THSD7B: variants seen among roughly 807,000 people sequenced by gnomAD.
THSD7B encodes thrombospondin type-1 domain-containing protein 7B.
THSD7B carries 138 observed loss-of-function variants against 213.6 expected under a neutral mutation model. That is an observed-to-expected ratio of 0.65 (90% CI 0.56 to 0.74). The LOEUF is 0.74. Among genes scored for constraint, THSD7B ranks in the 30% least tolerant of loss-of-function variants. The pLI is 0.00. For missense variants in THSD7B, 1,931 were observed against 1,991.5 expected (o/e 0.97, Z 0.58); for synonymous variants, 742 against 687.0 (o/e 1.08, Z -1.25).
intron 7 of THSD7B, among the ~76,000 whole-genome samples, chr2:137,213,274 C>G (rs1264551599): frequency 6.7e-6 from 1 of 150,274 alleles, no homozygotes. Flanking sequence ...TATATATCTG[C>G]TGTTATGTAT....
In THSD7B at chr2:137,626,475, AAAAAAG is replaced by A. The variant is rs1390246829; in HGVS notation, c.3799+5766_3799+5771del. On this transcript the variant is annotated intron_variant, in intron 20 of 27. Coordinates refer to ENST00000409968, the MANE Select transcript of THSD7B (RefSeq NM_001316349.2). ...CGAGACTCTGTCTCAAAAAAAAAAA[AAAAAAG>A]AAAAAGAAAAAGAAAATGCCTTCAG... Among the ~76,000 whole-genome samples the A allele has an allele frequency of 2.8e-3, 412 of 147,700 alleles. 5 individuals carry two copies. The highest frequency in any genetic ancestry group is 3.5e-3 in the Middle Eastern group (1 of 282).
intron 15 of THSD7B, among the ~76,000 whole-genome samples, chr2:137,523,673 G>A (rs1349718916): frequency 6.6e-6 from 1 of 152,060 alleles, no homozygotes; most frequent in Non-Finnish European, 1.5e-5. Flanking sequence ...ATTCAGTCAG[G>A]TATGTGCCCA....
chr2:137,072,714 C>T (rs1408434954), intron 3 of THSD7B, among the ~76,000 whole-genome samples: 1 of 152,106 alleles, frequency 6.6e-6, no homozygotes, highest in African/African-American at 2.4e-5. Flanking sequence ...AGTTTTTGCC[C>T]ATTCAGTATG....
At chr2:137,287,460 A>G (rs768571245) in intron 12 of THSD7B, among the ~76,000 whole-genome samples, 32 of 151,886 alleles carry the variant, frequency 2.1e-4, no homozygotes, top group Non-Finnish European at 4.3e-4. Flanking sequence ...GGTATTTTTC[A>G]TTTTCTTTGC....
intron 15 of THSD7B, among the ~76,000 whole-genome samples, chr2:137,464,933 G>A (rs962727885): frequency 1.3e-5 from 2 of 151,910 alleles, no homozygotes; most frequent in Admixed American, 6.6e-5. Flanking sequence ...ATCTCTCTCT[G>A]CAATCTTATG....
At chr2:137,114,277 G>T (rs191562671) in intron 4 of THSD7B, among the ~76,000 whole-genome samples, 2 of 152,124 alleles carry the variant, frequency 1.3e-5, no homozygotes, top group Admixed American at 6.5e-5. Flanking sequence ...TACGAATGCC[G>T]CAAGGTTATA....
At chr2:136,932,934 A>G (rs549550911) in intron 2 of THSD7B, among the ~76,000 whole-genome samples, 30 of 152,250 alleles carry the variant, frequency 2.0e-4, no homozygotes, top group African/African-American at 7.0e-4. Context: ...AAAGCTTGGA[A>G]GGCACCAGAG....
At chr2:137,496,246 A>T (rs550849687) in intron 15 of THSD7B, among the ~76,000 whole-genome samples, 91 of 152,288 alleles carry the variant, frequency 6.0e-4, no homozygotes, top group Non-Finnish European at 1.2e-3. Context: ...TCCAGGTCCA[A>T]TGCTCTTAGC....
intron 2 of THSD7B, among the ~76,000 whole-genome samples, chr2:136,947,735 A>T (rs16855726): frequency 0.01 from 1,579 of 152,328 alleles, 21 homozygotes; most frequent in African/African-American, 0.036. Flanking sequence ...TATCAGATTA[A>T]TTCCTTTAGA....
chr2:136,795,764 A>G (rs920647823), intron 1 of THSD7B, among the ~76,000 whole-genome samples: 30 of 151,902 alleles, frequency 2.0e-4, no homozygotes, highest in Non-Finnish European at 2.9e-4. Flanking sequence ...TGAGAATTAA[A>G]TGAGTATTTT....
chr2:137,002,091 C>A (rs2104825891), intron 2 of THSD7B, among the ~76,000 whole-genome samples: 1 of 152,022 alleles, frequency 6.6e-6, no homozygotes, highest in South Asian at 2.1e-4. Context: ...CCGCATATGA[C>A]TGTTTTCTTT....
At chr2:137,305,553 C>T (rs1450067383) in intron 12 of THSD7B, among the ~76,000 whole-genome samples, 1 of 152,010 alleles carries the variant, frequency 6.6e-6, no homozygotes, top group Non-Finnish European at 1.5e-5. Context: ...ACTTGGAGTC[C>T]CAGAAGCTAA....
intron 9 of THSD7B, among the ~76,000 whole-genome samples, chr2:137,235,398 A>G (rs932117817): frequency 6.6e-6 from 1 of 152,174 alleles, no homozygotes; most frequent in Non-Finnish European, 1.5e-5. Flanking sequence ...TTGACCCACT[A>G]TGACAGGAAA....
chr2:137,393,163 T>TC (rs1297591910), intron 12 of THSD7B, among the ~76,000 whole-genome samples: 3 of 91,134 alleles, frequency 3.3e-5, no homozygotes, highest in Non-Finnish European at 7.7e-5. Flanking sequence ...TTTTTTAATT[T>TC]TTTTTTTTTA....
At chr2:136,888,943 G>GT (rs1366953634) in intron 2 of THSD7B, among the ~76,000 whole-genome samples, 21 of 76,334 alleles carry the variant, frequency 2.8e-4, no homozygotes, top group African/African-American at 8.5e-4. Context: ...CTGTCTTTTG[G>GT]GGTGTGTGTG....
At chr2:136,924,657 C>T (rs1684492305) in intron 2 of THSD7B, among the ~76,000 whole-genome samples, 1 of 152,016 alleles carries the variant, frequency 6.6e-6, no homozygotes, top group Admixed American at 6.5e-5. Context: ...TTTGGCTGTG[C>T]ATGGTCTCAT....
At chr2:137,073,585 T>G (rs62171241) in intron 3 of THSD7B, among the ~76,000 whole-genome samples, 13,315 of 152,264 alleles carry the variant, frequency 0.087, 718 homozygotes, top group East Asian at 0.17. Flanking sequence ...TCTATCTCCT[T>G]CAGTTCTGCT....
At chr2:137,665,683 C>T (rs929540284) in intron 26 of THSD7B, among the ~76,000 whole-genome samples, 2 of 151,626 alleles carry the variant, frequency 1.3e-5, no homozygotes, top group East Asian at 1.9e-4. Context: ...AAAAGAAGTC[C>T]GTAAATTATA....
intron 2 of THSD7B, among the ~76,000 whole-genome samples, chr2:137,035,436 C>T (rs1457879392): frequency 6.6e-6 from 1 of 151,966 alleles, no homozygotes; most frequent in East Asian, 1.9e-4. Context: ...TCTAGATGGC[C>T]AGGGTGAGGT....
Sources: allele counts gnomAD v4.1 joint callset (sites outside exome capture counted in the v4.1 genomes callset), GRCh38; gene constraint gnomAD v4.1.1; transcripts MANE v1.5; gene names NCBI Gene and HGNC (gene_info 2026-07-23, HGNC 2026-07-21).